MYO1B: variants seen among roughly 807,000 people sequenced by gnomAD.
MYO1B encodes unconventional myosin-Ib.
MYO1B carries 72 observed loss-of-function variants against 159.7 expected under a neutral mutation model. The ratio of observed to expected loss-of-function variants is 0.45; its 90% confidence interval spans 0.37 to 0.55. MYO1B has a LOEUF of 0.55. Ranked by LOEUF, MYO1B falls within the 20% of genes least tolerant of loss-of-function variation. The pLI is 0.00. For missense variants in MYO1B, 1,062 were observed against 1,364.8 expected, an observed-to-expected ratio of 0.78 and a Z score of 3.50; for synonymous variants, 468 against 473.8, an observed-to-expected ratio of 0.99 and a Z score of 0.16.
intron 7 of MYO1B, among the ~76,000 whole-genome samples, chr2:191,359,619 G>A (rs754986297): frequency 6.6e-6 from 1 of 151,964 alleles, no homozygotes; most frequent in Non-Finnish European, 1.5e-5. Flanking sequence ...GCTGGTGTAG[G>A]TTCCAGAAAT....
chr2:191,273,869 A>T (rs1177283432), intron 1 of MYO1B, among the ~76,000 whole-genome samples: 1 of 152,220 alleles, frequency 6.6e-6, no homozygotes, highest in Non-Finnish European at 1.5e-5. Flanking sequence ...AGTGATTCTG[A>T]AACTTGTGCC....
chr2:191,345,700 G>A (rs1429044850), intron 5 of MYO1B, among the ~76,000 whole-genome samples: 1 of 152,118 alleles, frequency 6.6e-6, no homozygotes, highest in African/African-American at 2.4e-5. Flanking sequence ...GGAAATGACT[G>A]TTGTTTCCAA....
At chr2:191,404,946 CA>C (rs1696824628) in intron 24 of MYO1B, among the ~76,000 whole-genome samples, 2 of 152,256 alleles carry the variant, frequency 1.3e-5, no homozygotes, top group Non-Finnish European at 1.5e-5. Flanking sequence ...AATAAGATAA[CA>C]ATGAAATTTG....
chr2:191,279,549 T>C (rs59687594), intron 2 of MYO1B, among the ~76,000 whole-genome samples: 2,187 of 152,224 alleles, frequency 0.014, 52 homozygotes, highest in African/African-American at 0.05. Flanking sequence ...ATAAATTTGA[T>C]TACCACACTC....
chr2:191,356,165 G>T (rs1693264901), intron 7 of MYO1B, among the ~76,000 whole-genome samples: 1 of 152,088 alleles, frequency 6.6e-6, no homozygotes, highest in Non-Finnish European at 1.5e-5. Flanking sequence ...TCAGTTTTCT[G>T]GGAATATATG....
At chr2:191,312,807 G>C (rs1690086204) in intron 3 of MYO1B, among the ~76,000 whole-genome samples, 1 of 152,312 alleles carries the variant, frequency 6.6e-6, no homozygotes, top group South Asian at 2.1e-4. Context: ...CTCATCTTGG[G>C]CATGCCCTGG....
At chr2:191,247,215 C>T (rs866643306) in intron 1 of MYO1B, among the ~76,000 whole-genome samples, 1 of 152,144 alleles carries the variant, frequency 6.6e-6, no homozygotes. Flanking sequence ...AGGAGACATT[C>T]TGTTGTAGTA....
At chr2:191,302,923 T>C (rs1042339350) in intron 3 of MYO1B, among the ~76,000 whole-genome samples, 28 of 152,224 alleles carry the variant, frequency 1.8e-4, no homozygotes, top group African/African-American at 6.5e-4. Context: ...GTCTGTGGAC[T>C]CTTTGACCCC....
intron 3 of MYO1B, among the ~76,000 whole-genome samples, chr2:191,308,571 C>T (rs1277957617): frequency 6.6e-6 from 1 of 152,180 alleles, no homozygotes; most frequent in East Asian, 1.9e-4. Flanking sequence ...TCTTCCATTC[C>T]CACCAACATA....
At chr2:191,304,293 G>A (rs962750499) in intron 3 of MYO1B, among the ~76,000 whole-genome samples, 5 of 152,132 alleles carry the variant, frequency 3.3e-5, no homozygotes, top group African/African-American at 9.7e-5. Flanking sequence ...TCTTTCAGCC[G>A]GGCACGTTGG....
intron 1 of MYO1B, among the ~76,000 whole-genome samples, chr2:191,270,574 CAG>C (rs1687396077): frequency 6.6e-6 from 1 of 152,156 alleles, no homozygotes; most frequent in Admixed American, 6.5e-5. Context: ...TAACCCCTCT[CAG>C]AGAGATGAGA....
chr2:191,326,405 G>T (rs1052962654), intron 3 of MYO1B, among the ~76,000 whole-genome samples: 6 of 152,168 alleles, frequency 3.9e-5, no homozygotes, highest in African/African-American at 1.4e-4. Context: ...TTTTTTTAAA[G>T]AAATTGAAGA....
chr2:191,265,737 A>AT (rs779459602), intron 1 of MYO1B, among the ~76,000 whole-genome samples: 43 of 152,308 alleles, frequency 2.8e-4, no homozygotes, highest in Middle Eastern at 3.4e-3. Context: ...CGTGCGTTAT[A>AT]ATTAGCATGT....
intron 2 of MYO1B, 43 bp downstream of exon 2, chr2:191,277,073 T>C (rs1465795184): frequency 6.3e-7 from 1 of 1,590,062 alleles, no homozygotes; most frequent in Admixed American, 1.9e-5. Flanking sequence ...AGACTTTGTA[T>C]TTTGTGCCAG....
chr2:191,340,819 G>A (rs375374789), intron 4 of MYO1B, among the ~76,000 whole-genome samples: 4 of 151,668 alleles, frequency 2.6e-5, no homozygotes, highest in African/African-American at 7.3e-5. Context: ...TCCACCTCCC[G>A]GGTTCAAGCA....
At chr2:191,362,181 C>T (rs931335364) in intron 8 of MYO1B, 87 bp from the exon 9 acceptor site, 37 of 940,660 alleles carry the variant, frequency 3.9e-5, no homozygotes, top group South Asian at 3.5e-4. Context: ...GCCATGTTAC[C>T]GATGTGAACA....
At chr2:191,366,362 T>C (rs114976573) in intron 11 of MYO1B, among the ~76,000 whole-genome samples, 6,924 of 152,226 alleles carry the variant, frequency 0.045, 342 homozygotes, top group African/African-American at 0.12. Flanking sequence ...GATCCTCAGC[T>C]ATTCGGCTCC....
intron 1 of MYO1B, among the ~76,000 whole-genome samples, chr2:191,262,575 CTG>C (rs1369055481): frequency 6.6e-6 from 1 of 151,784 alleles, no homozygotes; most frequent in Non-Finnish European, 1.5e-5. Context: ...TAAGTAATGA[CTG>C]TAGCACAGAT....
intron 30 of MYO1B, among the ~76,000 whole-genome samples, chr2:191,417,173 A>G (rs1262932983): frequency 6.6e-6 from 1 of 152,122 alleles, no homozygotes; most frequent in African/African-American, 2.4e-5. Flanking sequence ...ATTTACACCC[A>G]TTTCTGCCCC....
Sources: gnomAD v4.1 joint callset for allele counts (sites outside exome capture counted in the v4.1 genomes callset) on GRCh38, gnomAD v4.1.1 for gene constraint, MANE v1.5 for transcripts, NCBI Gene and HGNC (gene_info 2026-07-23, HGNC 2026-07-21) for gene names.